MPC2: variants seen among roughly 807,000 people sequenced by gnomAD.
The protein encoded by MPC2 is brain protein 44.
A neutral mutation model predicts 19.2 loss-of-function variants in MPC2; 19 were observed. That is an observed-to-expected ratio of 0.99 (90% CI 0.69 to 1.45). The LOEUF is 1.45. Ranked by LOEUF, MPC2 falls within the 40% of genes most tolerant of loss-of-function variation. MPC2 has a pLI of 0.00. For missense variants in MPC2, 122 were observed against 153.0 expected, an observed-to-expected ratio of 0.80 and a Z score of 1.07; for synonymous variants, 61 against 54.3, an observed-to-expected ratio of 1.12 and a Z score of -0.54.
intron 1 of MPC2, 28 bp downstream of exon 1, chr1:167,936,911 C>G (rs758290359): frequency 2.6e-5 from 41 of 1,600,396 alleles, no homozygotes; most frequent in Non-Finnish European, 8.5e-6. Context: ...CAGGCAGAGC[C>G]ATGTCTCGGG....
intron 2 of MPC2, among the ~76,000 whole-genome samples, chr1:167,935,172 A>G (rs545316061): frequency 6.6e-6 from 1 of 152,314 alleles, no homozygotes; most frequent in East Asian, 1.9e-4. Flanking sequence ...AATTTCATAA[A>G]TAAGGATAGA....
In MPC2 at chr1:167,918,021, C is replaced by G. The variant is rs902888807; in HGVS notation, c.*302G>C. 17 of 233,294 alleles carry G rather than the reference C, an allele frequency of 7.3e-5. No homozygotes were observed. Among genetic ancestry groups the G allele is most frequent in the Non-Finnish European group, 1.4e-4 (17 of 120,694 alleles). 14.5% of individuals were successfully genotyped at this position (233,294 alleles called of 1,614,324 possible). ...TTCCAACTTCTTGAATTTGTGTGTT[C>G]TTTTATGTACATATGTTGGCTGACT... On this transcript the variant is annotated 3_prime_UTR_variant, in exon 6 of 6. Coordinates refer to ENST00000271373, the MANE Select transcript of MPC2 (RefSeq NM_001143674.4).
intron 1 of MPC2, chr1:167,936,246 C>T (rs1439002325): frequency 4.3e-6 from 1 of 230,796 alleles, no homozygotes. Context: ...TCCTTCTCCC[C>T]ATGCCCTCGA....
chr1:167,933,582 T>C (rs1436705300), intron 2 of MPC2, among the ~76,000 whole-genome samples: 1 of 152,246 alleles, frequency 6.6e-6, no homozygotes, highest in Non-Finnish European at 1.5e-5. Flanking sequence ...GCATTTCATA[T>C]CATTTAATAA....
chr1:167,929,475 T>A (rs778722585), intron 2 of MPC2, among the ~76,000 whole-genome samples: 1 of 152,260 alleles, frequency 6.6e-6, no homozygotes, highest in Non-Finnish European at 1.5e-5. Context: ...GTGAAACTCA[T>A]GTTTTTAAAT....
chr1:167,921,453 C>G (rs530405856), intron 3 of MPC2, among the ~76,000 whole-genome samples: 2 of 152,060 alleles, frequency 1.3e-5, no homozygotes, highest in Non-Finnish European at 2.9e-5. Flanking sequence ...AACTCCTGAC[C>G]GCAGGTGATC....
intron 1 of MPC2, 23 bp downstream of exon 1, chr1:167,936,916 C>T (rs1671328062): frequency 1.2e-6 from 2 of 1,602,270 alleles, no homozygotes; most frequent in South Asian, 1.1e-5. Flanking sequence ...AGAGCCATGT[C>T]TCGGGGTGGC....
intron 2 of MPC2, among the ~76,000 whole-genome samples, chr1:167,928,962 GAATT>G (rs1361883335): frequency 2.0e-5 from 3 of 152,182 alleles, no homozygotes; most frequent in Non-Finnish European, 2.9e-5. Flanking sequence ...TTTAGAAAAA[GAATT>G]AATACATTTT....
At chr1:167,936,639 T>G in intron 1 of MPC2, 1 of 387,546 alleles carries the variant, frequency 2.6e-6, no homozygotes, top group South Asian at 3.2e-5. Flanking sequence ...CTCCGCCTCC[T>G]CCTGTTGGAG....
intron 5 of MPC2, among the ~76,000 whole-genome samples, chr1:167,918,721 G>A (rs1194858595): frequency 6.6e-6 from 1 of 151,424 alleles, no homozygotes. Flanking sequence ...AGCCCCCCGA[G>A]TAGCTGGGAC....
intron 2 of MPC2, among the ~76,000 whole-genome samples, chr1:167,925,453 A>ATCTATATC (rs1391722293): frequency 9.0e-6 from 1 of 110,644 alleles, no homozygotes; most frequent in African/African-American, 3.8e-5. Context: ...ATATATATAT[A>ATCTATATC]TATATATATA....
At chr1:167,926,790 T>C (rs1431493285) in intron 2 of MPC2, among the ~76,000 whole-genome samples, 2 of 152,208 alleles carry the variant, frequency 1.3e-5, no homozygotes, top group Admixed American at 1.3e-4. Context: ...CATGCTATTT[T>C]ATGGCTCTTC....
At chr1:167,926,666 C>G (rs987551560) in intron 2 of MPC2, among the ~76,000 whole-genome samples, 1 of 152,256 alleles carries the variant, frequency 6.6e-6, no homozygotes, top group African/African-American at 2.4e-5. Flanking sequence ...GGGTAGAGGC[C>G]TGGGATGCTG....
At chr1:167,925,709 G>T (rs566365629) in intron 2 of MPC2, among the ~76,000 whole-genome samples, 93 of 151,236 alleles carry the variant, frequency 6.1e-4, no homozygotes, top group African/African-American at 2.2e-3. Flanking sequence ...ACCACACCCG[G>T]CTAATTTTTT....
At chr1:167,919,083 G>C (rs745309508) in intron 5 of MPC2, among the ~76,000 whole-genome samples, 1 of 152,146 alleles carries the variant, frequency 6.6e-6, no homozygotes, top group African/African-American at 2.4e-5. Flanking sequence ...CTAAGAATAA[G>C]ATCAACAGGT....
chr1:167,920,632 CT>C lies in MPC2; in HGVS notation c.151-2del. On this transcript the variant is annotated splice_acceptor_variant, in intron 3 of 5. Coordinates refer to ENST00000271373, the MANE Select transcript of MPC2 (RefSeq NM_001143674.4). LOFTEE classifies it high-confidence loss of function. The stretch of plus-strand genomic sequence containing the variant: ...CAGCCAATCCAGCACACACCAACCC[CT>C]ACACATTAACGCATAGAAAGAAAAA... 1 of 1,611,836 alleles carries C rather than the reference CT, an allele frequency of 6.2e-7. No homozygotes were observed. The highest frequency in any genetic ancestry group is 8.5e-7 in the Non-Finnish European group (1 of 1,179,056).
chr1:167,920,996 C>T lies in MPC2; in HGVS notation c.151-365G>A, dbSNP rs78814706. ...CTTTATATATGTCAGGAACCACTAA[C>T]CACTAGCATGGAAGATACCTAAAAG... On this transcript the variant is annotated intron_variant, in intron 3 of 5. Coordinates refer to ENST00000271373, the MANE Select transcript of MPC2 (RefSeq NM_001143674.4). Among the ~76,000 whole-genome samples, 18 of 152,186 alleles carry T rather than the reference C, an allele frequency of 1.2e-4. No homozygotes were observed. The East Asian group carries it at 3.5e-3, about 29-fold the overall frequency.
intron 4 of MPC2, 145 bp downstream of exon 4, chr1:167,920,402 C>T (rs1445423060): frequency 1.1e-6 from 1 of 875,448 alleles, no homozygotes; most frequent in African/African-American, 1.7e-5. Flanking sequence ...CCATCCATAA[C>T]TTAATAACTT....
At chr1:167,924,277 T>C (rs1670675435) in intron 3 of MPC2, among the ~76,000 whole-genome samples, 1 of 152,142 alleles carries the variant, frequency 6.6e-6, no homozygotes, top group South Asian at 2.1e-4. Flanking sequence ...TGATAACAAG[T>C]ATGTTCCCAG....
Sources: gnomAD v4.1 joint callset for allele counts (sites outside exome capture counted in the v4.1 genomes callset) on GRCh38, gnomAD v4.1.1 for gene constraint, MANE v1.5 for transcripts, NCBI Gene and HGNC (gene_info 2026-07-23, HGNC 2026-07-21) for gene names.